The following SLC2A12 variants were observed in gnomAD, a reference collection of about 807,000 sequenced individuals.
SLC2A12 encodes solute carrier family 2, facilitated glucose transporter member 12.
SLC2A12 carries 23 observed loss-of-function variants against 41.8 expected under a neutral mutation model. The observed-to-expected ratio is 0.55, with a 90% confidence interval of 0.40 to 0.78. SLC2A12 has a LOEUF of 0.78. SLC2A12 is among the 30% of genes least tolerant of loss of function. SLC2A12 has a pLI of 0.00. For synonymous variants in SLC2A12, 295 were observed against 285.9 expected (o/e 1.03, Z -0.32); for missense variants, 654 against 745.6 (o/e 0.88, Z 1.43).
At chr6:134,036,915 A>G (rs1777308312) in intron 1 of SLC2A12, among the ~76,000 whole-genome samples, 1 of 152,172 alleles carries the variant, frequency 6.6e-6, no homozygotes, top group Admixed American at 6.5e-5. Flanking sequence ...AGCCCTATGC[A>G]TGGAATTGTT....
In SLC2A12 at chr6:134,028,551, T is replaced by A. The variant is rs1476576844; in HGVS notation, c.1274A>T (p.Asp425Val). The A allele has an allele frequency of 6.2e-7, 1 of 1,614,178 alleles. No individual in the cohort carries two copies. Among genetic ancestry groups the A allele is most frequent in the East Asian group, 2.2e-5 (1 of 44,882 alleles). The change falls in exon 2 of 5, where the codon GAT becomes GTT. Residue 425 changes from aspartate (D) to valine (V), a missense_variant. This residue lies in a region of SLC2A12 where 411 missense variants were observed against 412.1 expected (regional missense o/e 1.00). Coordinates refer to ENST00000275230, the MANE Select transcript of SLC2A12 (RefSeq NM_145176.3). ...SRSSLMPLRN[D>V]VDKRGETTSA... ...GGTCGTCTCCCCTCTCTTATCCACA[T>A]CATTTCTCAGGGGCATGAGTGAGCT...
At chr6:133,997,564 C>T (rs1426663690) in intron 4 of SLC2A12, among the ~76,000 whole-genome samples, 1 of 152,156 alleles carries the variant, frequency 6.6e-6, no homozygotes, top group Non-Finnish European at 1.5e-5. Flanking sequence ...AAAGCAAGTA[C>T]TGTTTGTTCT....
chr6:134,047,006 G>A (rs1269298350), intron 1 of SLC2A12, among the ~76,000 whole-genome samples: 1 of 152,190 alleles, frequency 6.6e-6, no homozygotes, highest in African/African-American at 2.4e-5. Flanking sequence ...TTTGGGGGAT[G>A]TCACGTTCAG....
intron 1 of SLC2A12, among the ~76,000 whole-genome samples, chr6:134,042,610 G>C (rs187243922): frequency 1.3e-5 from 2 of 151,814 alleles, no homozygotes; most frequent in Non-Finnish European, 2.9e-5. Flanking sequence ...AATGGGGAAA[G>C]GGAGAGACAC....
At chr6:134,003,221 G>A (rs1776774296) in intron 3 of SLC2A12, among the ~76,000 whole-genome samples, 2 of 152,140 alleles carry the variant, frequency 1.3e-5, no homozygotes, top group South Asian at 2.1e-4. Flanking sequence ...AGGAGGAACC[G>A]CACTGCAGTT....
At chr6:134,018,595 G>A (rs1281763566) in intron 2 of SLC2A12, among the ~76,000 whole-genome samples, 3 of 152,034 alleles carry the variant, frequency 2.0e-5, no homozygotes, top group East Asian at 3.9e-4. Flanking sequence ...TGGCCCAAAT[G>A]TTACCACCTC....
At chr6:134,012,897 G>T (rs1167916926) in intron 2 of SLC2A12, among the ~76,000 whole-genome samples, 1 of 152,174 alleles carries the variant, frequency 6.6e-6, no homozygotes, top group African/African-American at 2.4e-5. Context: ...CTTGAACCCA[G>T]AAGTTTGAGG....
chr6:134,000,263 C>CT (rs1176128048), intron 4 of SLC2A12, among the ~76,000 whole-genome samples: 1 of 151,998 alleles, frequency 6.6e-6, no homozygotes, highest in Non-Finnish European at 1.5e-5. Flanking sequence ...TTTTTTTCTG[C>CT]TTTTTCTAAA....
intron 4 of SLC2A12, among the ~76,000 whole-genome samples, chr6:133,997,464 C>T (rs1241044932): frequency 1.3e-5 from 2 of 152,142 alleles, no homozygotes; most frequent in Admixed American, 1.3e-4. Context: ...CCATGGAATA[C>T]TACACAGCCG....
intron 1 of SLC2A12, among the ~76,000 whole-genome samples, chr6:134,034,858 A>G (rs942491418): frequency 3.9e-5 from 6 of 152,132 alleles, no homozygotes; most frequent in African/African-American, 1.2e-4. Context: ...ATAATGATGA[A>G]GTAGAGCATT....
intron 2 of SLC2A12, among the ~76,000 whole-genome samples, chr6:134,015,028 T>C (rs553106998): frequency 6.6e-6 from 1 of 152,370 alleles, no homozygotes; most frequent in African/African-American, 2.4e-5. Flanking sequence ...ATGAATGCTG[T>C]TTTCCATATA....
rs557195435 is a variant in SLC2A12 at position 134,028,271 on chromosome 6, A to T, written c.1444+110T>A. The T allele has an allele frequency of 7.3e-6, 10 of 1,376,700 alleles. No homozygotes were observed. In the African/African-American group the frequency reaches 1.2e-4, roughly 16 times the overall value. The allele number at this position is 1,376,700 out of a possible 1,614,324, so 85.3% of individuals were successfully genotyped here. A position where few individuals can be genotyped will look rare whatever the true frequency, so the allele number is the denominator to read the frequency against. ...CTTTCTGCATTAGAAGGAACATCAGATGACCAATGTTATCCTTGTCTTCCT... is the reference window on the plus strand; with the variant it reads ...CTTTCTGCATTAGAAGGAACATCAGTTGACCAATGTTATCCTTGTCTTCCT... On this transcript the variant is annotated intron_variant, in intron 2 of 4. Transcript: ENST00000275230.
At chr6:134,040,549 C>T (rs1025897397) in intron 1 of SLC2A12, among the ~76,000 whole-genome samples, 4 of 152,226 alleles carry the variant, frequency 2.6e-5, no homozygotes, top group East Asian at 1.9e-4. Flanking sequence ...CTCCTGTTCC[C>T]GTTTCCTCAA....
At position 134,052,621 on chromosome 6, in the gene SLC2A12, G is replaced by T; in HGVS notation, c.-141C>A. The T allele has an allele frequency of 3.2e-6, 2 of 633,666 alleles. No homozygotes were observed. The highest frequency in any genetic ancestry group is 5.5e-6 in the Non-Finnish European group (2 of 364,368). 39.3% of individuals were successfully genotyped at this position (633,666 alleles called of 1,614,324 possible). On this transcript the variant is annotated 5_prime_UTR_variant, in exon 1 of 5. Coordinates refer to ENST00000275230, the MANE Select transcript of SLC2A12 (RefSeq NM_145176.3). Reference sequence around the variant, plus strand: ...TTCGGGCAAAGCTAATGTGATTTGTGACCAACTTTGTTTCTATTTCCGAAG... The same window carrying T: ...TTCGGGCAAAGCTAATGTGATTTGTTACCAACTTTGTTTCTATTTCCGAAG...
At chr6:134,033,804 G>A (rs942176527) in intron 1 of SLC2A12, among the ~76,000 whole-genome samples, 8 of 152,164 alleles carry the variant, frequency 5.3e-5, no homozygotes, top group Non-Finnish European at 1.2e-4. Context: ...GATGCCTTGA[G>A]ATGCAGGAGT....
chr6:133,996,942 GT>G (rs1240953290), intron 4 of SLC2A12, among the ~76,000 whole-genome samples: 1 of 152,094 alleles, frequency 6.6e-6, no homozygotes, highest in Non-Finnish European at 1.5e-5. Flanking sequence ...TTGCCAACCT[GT>G]TGGTTCAGCT....
Position 134,052,481 on chromosome 6 carries a change from G to T in SLC2A12, c.-1C>A. 2 of 1,612,442 alleles carry T rather than the reference G, an allele frequency of 1.2e-6. No individual in the cohort carries two copies. The highest frequency in any genetic ancestry group is 1.7e-6 in the Non-Finnish European group (2 of 1,179,656). On this transcript the variant is annotated 5_prime_UTR_variant, in exon 1 of 5. Transcript: ENST00000275230. ...CCTCGGTGTTTTCAACAGGTACCAT[G>T]GTCACGTAGAAGTTACAGCCGCTTC...
intron 4 of SLC2A12, among the ~76,000 whole-genome samples, chr6:134,001,055 C>A (rs1450654149): frequency 6.6e-6 from 1 of 150,634 alleles, no homozygotes; most frequent in African/African-American, 2.4e-5. Flanking sequence ...AAACCCCAAA[C>A]AAAGAAAACC....
chr6:134,048,308 C>T (rs908121826), intron 1 of SLC2A12, among the ~76,000 whole-genome samples: 1 of 152,172 alleles, frequency 6.6e-6, no homozygotes, highest in Non-Finnish European at 1.5e-5. Flanking sequence ...AAAATCCTGT[C>T]ATTTCCAGCC....
Sources: gnomAD v4.1 joint callset for allele counts (sites outside exome capture counted in the v4.1 genomes callset) on GRCh38, gnomAD v4.1.1 for gene constraint, gnomAD v4.1.1 regional missense constraint, MANE v1.5 for transcripts, NCBI Gene and HGNC (gene_info 2026-07-23, HGNC 2026-07-21) for gene names.